HSPG2: variants seen among roughly 807,000 people sequenced by gnomAD.
The protein encoded by HSPG2 is heparan sulfate proteoglycan 2.
In HSPG2, 278 loss-of-function variants were observed where a neutral mutation model predicts 526.6. The observed-to-expected ratio is 0.53, with a 90% CI of 0.48 to 0.58. The LOEUF (loss-of-function observed/expected upper bound fraction) is 0.58, where lower values mean the gene tolerates loss of function less well. HSPG2 is among the 20% of genes least tolerant of loss of function. The pLI, the probability that HSPG2 is intolerant of heterozygous loss-of-function variation, is 0.00. For synonymous variants in HSPG2, 2,465 were observed against 2,555.4 expected (o/e 0.96, Z 1.07); for missense variants, 5,354 against 6,099.5 (o/e 0.88, Z 4.07).
chr1:21,931,209 A>T (rs1445180432), intron 1 of HSPG2, among the ~76,000 whole-genome samples: 2 of 152,242 alleles, frequency 1.3e-5, no homozygotes, highest in Admixed American at 1.3e-4. Flanking sequence ...CCCAGCAGCC[A>T]CGAGCCACAC....
chr1:21,908,420 G>A lies in HSPG2; in HGVS notation c.64-12110C>T, dbSNP rs532366168. ...GAGAGCCGAGATAGCTTCCTGAAAC[G>A]CGTGAAGGAGAATGATCAGAAAAAG... On this transcript the variant is annotated intron_variant, in intron 1 of 96. Transcript: ENST00000374695. 6.7e-5 allele frequency: 59 copies of A among 882,924 alleles called. No homozygotes were observed. The East Asian group carries it at 7.2e-4, about 11-fold the overall frequency. 54.7% of individuals were successfully genotyped at this position (882,924 alleles called of 1,614,324 possible). A position where few individuals can be genotyped will look rare whatever the true frequency, so the allele number is the denominator to read the frequency against.
chr1:21,890,250 A>G lies in HSPG2; in HGVS notation c.414-109T>C. ...CAGGCCCTGTTCCGGGACAGCCTGT[A>G]CCCAAAGAAGGGCAACTAAAGGTCC... On this transcript the variant is annotated intron_variant, in intron 5 of 96. Coordinates refer to ENST00000374695, the MANE Select transcript of HSPG2 (RefSeq NM_005529.7). This position sits in a 1 kb window ranked among gnomAD's most constrained non-coding sequence, Gnocchi z 4.1. The G allele has an allele frequency of 7.0e-7, 1 of 1,435,126 alleles. No individual in the cohort carries two copies. Among genetic ancestry groups the G allele is most frequent in the Non-Finnish European group, 9.8e-7 (1 of 1,023,264 alleles). 88.9% of individuals were successfully genotyped at this position (1,435,126 alleles called of 1,614,324 possible).
chr1:21,871,897 T>C (rs924744560), intron 33 of HSPG2, among the ~76,000 whole-genome samples: 7 of 152,196 alleles, frequency 4.6e-5, no homozygotes, highest in Non-Finnish European at 1.0e-4. Context: ...CCAGATCTGT[T>C]TGTAGAATAA....
At chr1:21,852,871 A>G in intron 51 of HSPG2, 39 bp from the exon 52 acceptor site, 1 of 1,611,568 alleles carries the variant, frequency 6.2e-7, no homozygotes, top group African/African-American at 1.3e-5. Context: ...GGGCTGGAAC[A>G]GTCCCATCCA....
At position 21,865,369 on chromosome 1, in the gene HSPG2, G is replaced by C; in HGVS notation, c.4315-4C>G. On this transcript the variant is annotated splice_region_variant and splice_polypyrimidine_tract_variant and intron_variant, in intron 34 of 96. Transcript: ENST00000374695. The surrounding 1 kb of genome is among the most constrained non-coding windows in gnomAD (Gnocchi z 5.4). ...CCACTAGCATGATGTTGTTGCCCTG[G>C]AAAGACACCAGCAGGATTGGAAGGG... The C allele has an allele frequency of 2.5e-6, 4 of 1,613,978 alleles. No homozygotes were observed. The South Asian group carries it at 3.3e-5, about 13-fold the overall frequency.
chr1:21,854,583 C>T, intron 49 of HSPG2, 28 bp downstream of exon 49: 2 of 1,541,634 alleles, frequency 1.3e-6, no homozygotes, highest in Non-Finnish European at 1.8e-6. Context: ...ACCCTGGGTC[C>T]CCTGCCATAG....
Position 21,904,694 on chromosome 1 carries a change from TA to T in HSPG2, c.64-8385del, listed in dbSNP as rs1189274613. ...TGTGGCCAAGGCGGTGGGGGTGGCC[TA>T]AGCGGGAACAGCTTCTGGACTGGGC... On this transcript the variant is annotated intron_variant, in intron 1 of 96. Transcript: ENST00000374695. The surrounding 1 kb of genome is among the most constrained non-coding windows in gnomAD (Gnocchi z 4.4). 6.6e-6 allele frequency among the ~76,000 whole-genome samples: 1 copy of T among 152,078 alleles called. No homozygotes were observed. Among genetic ancestry groups the T allele is most frequent in the Non-Finnish European group, 1.5e-5 (1 of 68,004 alleles).
chr1:21,876,252 G>A lies in HSPG2; in HGVS notation c.2980C>T (p.Pro994Ser). The A allele has an allele frequency of 6.2e-7, 1 of 1,612,410 alleles. No individual in the cohort carries two copies. Among genetic ancestry groups the A allele is most frequent in the South Asian group, 1.1e-5 (1 of 90,608 alleles). Residue 994 changes from proline to serine, a missense_variant, in exon 23 of 97, where the codon CCT becomes TCT. Pro to Ser is a moderately conservative substitution (Grantham distance 74). Transcript: ENST00000374695. ...LLSGPYFWSL[P>S]SRFLGDKVTS... ...ACCTTGTCCCCCAGGAAGCGTGAAG[G>A]GAGGCTCCAGAAGTAGGGTCCAGAT...
Position 21,852,074 on chromosome 1 carries a change from T to A in HSPG2, c.6870+14A>T, listed in dbSNP as rs762393417. The A allele has an allele frequency of 2.0e-5, 32 of 1,603,986 alleles. No individual in the cohort carries two copies. The highest frequency in any genetic ancestry group is 2.7e-5 in the Non-Finnish European group (32 of 1,175,632). ...CTGTCCATGGCCCCGTCCCACATTCTTGGTGCCCTGTACCTGGTGCCGGGC... is the reference window on the plus strand; with the variant it reads ...CTGTCCATGGCCCCGTCCCACATTCATGGTGCCCTGTACCTGGTGCCGGGC... On this transcript the variant is annotated intron_variant, in intron 53 of 96. Transcript: ENST00000374695.
chr1:21,899,096 A>G (rs1290571134), intron 1 of HSPG2, among the ~76,000 whole-genome samples: 2 of 152,226 alleles, frequency 1.3e-5, no homozygotes, highest in Non-Finnish European at 2.9e-5. Flanking sequence ...AGAGGACTCC[A>G]GAGCACGGGT....
In HSPG2 at chr1:21,880,086, G is replaced by A. The variant is rs111327867; in HGVS notation, c.2343+21C>T. ...TCCCTTCTCCTATTTTAGTGTTCAA[G>A]TGTCTGCTGGCACTACTCACCAGGC... On this transcript the variant is annotated intron_variant, in intron 17 of 96. Coordinates refer to ENST00000374695, the MANE Select transcript of HSPG2 (RefSeq NM_005529.7). 5,258 of 1,613,806 alleles carry A rather than the reference G, an allele frequency of 3.3e-3. 127 individuals are homozygous for A. In the African/African-American group the frequency reaches 0.057, roughly 18 times the overall value.
intron 1 of HSPG2, among the ~76,000 whole-genome samples, chr1:21,935,761 G>A (rs1204008461): frequency 6.6e-6 from 1 of 152,226 alleles, no homozygotes; most frequent in Non-Finnish European, 1.5e-5. Flanking sequence ...AGGTTGGTGC[G>A]TTGGGAAAAG....
chr1:21,861,847 G>A lies in HSPG2; in HGVS notation c.4869-4C>T. On this transcript the variant is annotated splice_region_variant and splice_polypyrimidine_tract_variant and intron_variant, in intron 38 of 96. Transcript: ENST00000374695. Reference sequence around the variant, plus strand: ...GCTCTCACAGGTGCGGGAAAACCTGGGATCGGGGAGGCAAAGGTCAGGTCA... The same window carrying A: ...GCTCTCACAGGTGCGGGAAAACCTGAGATCGGGGAGGCAAAGGTCAGGTCA... The A allele has an allele frequency of 6.2e-7, 1 of 1,613,574 alleles. No individual in the cohort carries two copies. The highest frequency in any genetic ancestry group is 8.5e-7 in the Non-Finnish European group (1 of 1,179,976).
Position 21,927,316 on chromosome 1 carries a change from T to A in HSPG2, c.63+9839A>T, listed in dbSNP as rs1382819377. 2.0e-5 allele frequency among the ~76,000 whole-genome samples: 3 copies of A among 151,710 alleles called. No homozygotes were observed. In the East Asian group the frequency reaches 5.8e-4, roughly 30 times the overall value. On this transcript the variant is annotated intron_variant, in intron 1 of 96. Coordinates refer to ENST00000374695, the MANE Select transcript of HSPG2 (RefSeq NM_005529.7). ...AACAGCCCAAGCCCAAAGCATAGGGTGGGGTGGGGTGAGATCCCCAGGCCT... is the reference window on the plus strand; with the variant it reads ...AACAGCCCAAGCCCAAAGCATAGGGAGGGGTGGGGTGAGATCCCCAGGCCT...
rs542235601 is a variant in HSPG2, at chr1:21,904,411, G to C, written c.64-8101C>G. Reference sequence around the variant, plus strand: ...GGAAGCCTGGTGCAGCGGGACACGCGTGTGAGTGGCAGAGGAGTCAAAGGG... The same window carrying C: ...GGAAGCCTGGTGCAGCGGGACACGCCTGTGAGTGGCAGAGGAGTCAAAGGG... On this transcript the variant is annotated intron_variant, in intron 1 of 96. Transcript: ENST00000374695. This position sits in a 1 kb window ranked among gnomAD's most constrained non-coding sequence, Gnocchi z 4.4. Among the ~76,000 whole-genome samples the C allele has an allele frequency of 6.6e-6, 1 of 152,290 alleles. No individual in the cohort carries two copies. Among genetic ancestry groups the C allele is most frequent in the African/African-American group, 2.4e-5 (1 of 41,556 alleles).
intron 1 of HSPG2, among the ~76,000 whole-genome samples, chr1:21,905,883 C>T (rs10917062): frequency 0.29 from 44,851 of 152,126 alleles, 7,024 homozygotes; most frequent in Admixed American, 0.4. Flanking sequence ...TGGTGGTGCA[C>T]ACCTGTAGTC....
chr1:21,848,187 C>A lies in HSPG2; in HGVS notation c.7738-94G>T. The A allele has an allele frequency of 7.0e-7, 1 of 1,430,442 alleles. No individual in the cohort carries two copies. Among genetic ancestry groups the A allele is most frequent in the East Asian group, 2.5e-5 (1 of 40,372 alleles). 88.6% of individuals were successfully genotyped at this position (1,430,442 alleles called of 1,614,324 possible). ...TGCCGCTGCCCCTGGACTCTGGGGG[C>A]CTCCCTGCCTTGCCTCCTCAGTGGC... On this transcript the variant is annotated intron_variant, in intron 59 of 96. Transcript: ENST00000374695. The surrounding 1 kb of genome is among the most constrained non-coding windows in gnomAD (Gnocchi z 4.9).
intron 63 of HSPG2, 70 bp downstream of exon 63, chr1:21,846,378 C>T: frequency 1.2e-6 from 2 of 1,610,918 alleles, no homozygotes; most frequent in Non-Finnish European, 1.7e-6. Context: ...TCCTAGGTCT[C>T]CCTCTTGGCA....
intron 77 of HSPG2, 62 bp from the exon 78 acceptor site, chr1:21,833,987 G>T: frequency 4.5e-6 from 5 of 1,099,698 alleles, no homozygotes. Context: ...TGCCCAGCCT[G>T]CACCCTGATT....
Sources: allele counts gnomAD v4.1 joint callset (sites outside exome capture counted in the v4.1 genomes callset), GRCh38; gene constraint gnomAD v4.1.1; non-coding constraint Gnocchi (gnomAD v3.1); transcripts MANE v1.5; gene names NCBI Gene and HGNC (gene_info 2026-07-23, HGNC 2026-07-21).